SEMA4D: variants seen among roughly 807,000 people sequenced by gnomAD.
SEMA4D encodes the protein semaphorin-4D.
SEMA4D carries 22 observed loss-of-function variants against 74.8 expected under a neutral mutation model. The observed-to-expected ratio is 0.29, with a 90% confidence interval of 0.21 to 0.42. The LOEUF (loss-of-function observed/expected upper bound fraction) is 0.42, where lower values mean the gene tolerates loss of function less well. Among genes scored for constraint, SEMA4D ranks in the 10% least tolerant of loss-of-function variants. The pLI, the probability that SEMA4D is intolerant of heterozygous loss-of-function variation, is 1.00. For missense variants in SEMA4D, 937 were observed against 1,118.4 expected (o/e 0.84, Z 2.31); for synonymous variants, 445 against 463.7 (o/e 0.96, Z 0.52).
intron 2 of SEMA4D, among the ~76,000 whole-genome samples, chr9:89,429,287 C>T (rs1020305763): frequency 2.0e-5 from 3 of 152,226 alleles, no homozygotes; most frequent in Admixed American, 6.5e-5. Flanking sequence ...CCTAGCTTCA[C>T]CCAAAGCAGA....
chr9:89,438,944 TGTGAGCCACCGCA>T (rs1851069040), intron 2 of SEMA4D, among the ~76,000 whole-genome samples: 1 of 139,978 alleles, frequency 7.1e-6, no homozygotes, highest in Non-Finnish European at 1.5e-5. Flanking sequence ...GTATTATAGG[TGTGAGCCACCGCA>T]CCGGGCCTTT....
At chr9:89,452,182 G>GTTTTTT (rs748453753) in intron 2 of SEMA4D, among the ~76,000 whole-genome samples, 14 of 135,434 alleles carry the variant, frequency 1.0e-4, no homozygotes, top group African/African-American at 3.1e-4. Flanking sequence ...GGTTTTTTTT[G>GTTTTTT]TTTTTTTTTT....
downstream of SEMA4D, among the ~76,000 whole-genome samples, chr9:89,376,011 A>AT (rs1320247132): frequency 6.6e-6 from 1 of 151,876 alleles, no homozygotes; most frequent in Non-Finnish European, 1.5e-5. Context: ...TTTTTTTCAC[A>AT]TTTTTGGGTA....
At chr9:89,479,904 G>C (rs1333774478) in intron 1 of SEMA4D, 1 of 152,328 alleles carries the variant, frequency 6.6e-6, no homozygotes, top group Non-Finnish European at 1.5e-5. Context: ...GCTGGCTCGG[G>C]CAGCCTGCTT....
intron 16 of SEMA4D, among the ~76,000 whole-genome samples, chr9:89,372,206 GTGTC>G (rs1373033412): frequency 8.3e-5 from 7 of 84,002 alleles, no homozygotes; most frequent in Non-Finnish European, 1.2e-4. Context: ...GGTGTGGTGT[GTGTC>G]TGGGGGGTGT....
chr9:89,407,838 C>T (rs1843644687), intron 2 of SEMA4D, among the ~76,000 whole-genome samples: 1 of 152,246 alleles, frequency 6.6e-6, no homozygotes, highest in South Asian at 2.1e-4. Context: ...GTCAACACCA[C>T]TTAGAACATT....
At chr9:89,448,521 G>A (rs1213281467) in intron 2 of SEMA4D, among the ~76,000 whole-genome samples, 3 of 152,218 alleles carry the variant, frequency 2.0e-5, no homozygotes, top group Non-Finnish European at 4.4e-5. Flanking sequence ...GACCAGCCGG[G>A]CTGCCCCAGC....
At chr9:89,442,597 C>CA (rs1325376501) in intron 2 of SEMA4D, among the ~76,000 whole-genome samples, 1 of 152,122 alleles carries the variant, frequency 6.6e-6, no homozygotes, top group Non-Finnish European at 1.5e-5. Flanking sequence ...GCTAGAAACA[C>CA]AGAGTTCAAG....
At chr9:89,423,578 G>C (rs965023517) in intron 2 of SEMA4D, among the ~76,000 whole-genome samples, 1 of 152,124 alleles carries the variant, frequency 6.6e-6, no homozygotes, top group African/African-American at 2.4e-5. Flanking sequence ...GAAGCATATT[G>C]TGATAGCTGC....
chr9:89,468,245 A>G (rs1859266199), intron 1 of SEMA4D, among the ~76,000 whole-genome samples: 1 of 152,222 alleles, frequency 6.6e-6, no homozygotes, highest in Non-Finnish European at 1.5e-5. Flanking sequence ...ACTCTATTTT[A>G]AACCCCAGCA....
At chr9:89,473,210 TAACAAC>T (rs778633876) in intron 1 of SEMA4D, among the ~76,000 whole-genome samples, 1 of 152,138 alleles carries the variant, frequency 6.6e-6, no homozygotes, top group Non-Finnish European at 1.5e-5. Context: ...AGTTGTGCTA[TAACAAC>T]AACAACAACA....
At chr9:89,384,779 TGATCACCGTGA>T in intron 13 of SEMA4D, 4 of 985,386 alleles carry the variant, frequency 4.1e-6, no homozygotes, top group Non-Finnish European at 4.8e-6. Flanking sequence ...CTCCATTTGC[TGATCACCGTGA>T]GAGAGCCTGA....
At chr9:89,399,946 C>T (rs11265903) in intron 4 of SEMA4D, among the ~76,000 whole-genome samples, 37,851 of 141,050 alleles carry the variant, frequency 0.27, 6,265 homozygotes, top group East Asian at 0.59. Context: ...TGCAGTAAGC[C>T]GAGATCGCAC....
At chr9:89,406,228 C>T (rs908220278) in intron 2 of SEMA4D, among the ~76,000 whole-genome samples, 32 of 152,274 alleles carry the variant, frequency 2.1e-4, no homozygotes, top group Admixed American at 1.8e-3. Flanking sequence ...CACACATGCA[C>T]GGATGTACAC....
rs574953733 is a variant in SEMA4D at position 89,371,811 on chromosome 9, G to A, written c.1882+5022C>T. 7.0e-3 allele frequency among the ~76,000 whole-genome samples: 461 copies of A among 66,180 alleles called. 5 individuals are homozygous for A. The highest frequency in any genetic ancestry group is 0.012 in the Non-Finnish European group (380 of 32,926). The allele number at this position is 66,180 out of a possible 152,430, so 43.4% of individuals were successfully genotyped here. A position where few individuals can be genotyped will look rare whatever the true frequency, so the allele number is the denominator to read the frequency against. ...GTGTGTTTGGGGTGTGTGTGTGGGG[G>A]GTGTGTGTGTCTGGGGTGTGGTGTG... is the stretch of plus-strand genomic sequence containing the variant. On this transcript the variant is annotated intron_variant, in intron 16 of 18. Coordinates refer to the SEMA4D transcript ENST00000339861.
chr9:89,446,996 T>C (rs1853061025), intron 2 of SEMA4D, among the ~76,000 whole-genome samples: 1 of 152,098 alleles, frequency 6.6e-6, no homozygotes, highest in African/African-American at 2.4e-5. Flanking sequence ...AATCCTGCCA[T>C]GTGTCCTATC....
At chr9:89,456,983 A>G (rs1240488995) in intron 1 of SEMA4D, among the ~76,000 whole-genome samples, 1 of 152,164 alleles carries the variant, frequency 6.6e-6, no homozygotes, top group Non-Finnish European at 1.5e-5. Flanking sequence ...AGAAAATGCA[A>G]AGGGCTCCTT....
At chr9:89,486,357 A>G (rs920269874) in intron 1 of SEMA4D, among the ~76,000 whole-genome samples, 3 of 152,170 alleles carry the variant, frequency 2.0e-5, no homozygotes, top group African/African-American at 7.2e-5. Context: ...CACAAGACGG[A>G]ATTTTTGGAG....
chr9:89,456,619 T>C (rs1220103697), intron 1 of SEMA4D, among the ~76,000 whole-genome samples: 1 of 152,150 alleles, frequency 6.6e-6, no homozygotes, highest in Non-Finnish European at 1.5e-5. Context: ...AGACAGTCTG[T>C]CTCCAGGCTG....
Sources: allele counts gnomAD v4.1 joint callset (sites outside exome capture counted in the v4.1 genomes callset), GRCh38; gene constraint gnomAD v4.1.1; transcripts MANE v1.5; gene names NCBI Gene and HGNC (gene_info 2026-07-23, HGNC 2026-07-21).